Variants in ARHGAP32 observed in about 807,000 individuals in gnomAD.
The protein encoded by ARHGAP32 is Rho GTPase activating protein 32, also known as rho GTPase-activating protein 32.
Under a neutral mutation model 186.5 loss-of-function variants are expected in ARHGAP32, and 51 were observed. The ratio of observed to expected loss-of-function variants is 0.27; its 90% confidence interval spans 0.22 to 0.35. ARHGAP32 has a LOEUF of 0.35. Ranked by LOEUF, ARHGAP32 falls within the 10% of genes least tolerant of loss-of-function variation. The pLI, the probability that ARHGAP32 is intolerant of heterozygous loss-of-function variation, is 1.00. For missense variants in ARHGAP32, 2,186 were observed against 2,623.5 expected (o/e 0.83, Z 3.64); for synonymous variants, 950 against 964.3 (o/e 0.99, Z 0.27).
At chr11:129,183,162 T>C (rs906533705) in intron 1 of ARHGAP32, among the ~76,000 whole-genome samples, 1 of 152,082 alleles carries the variant, frequency 6.6e-6, no homozygotes. Context: ...TGGGTATATT[T>C]TCTAGGATTT....
chr11:129,181,155 G>C (rs1360286242), intron 1 of ARHGAP32, among the ~76,000 whole-genome samples: 1 of 152,026 alleles, frequency 6.6e-6, no homozygotes, highest in Non-Finnish European at 1.5e-5. Context: ...ATCGGTTTTT[G>C]TTTATTTCTT....
chr11:129,191,936 C>G (rs1198755674), intron 1 of ARHGAP32, 147 bp downstream of exon 1: 7 of 638,964 alleles, frequency 1.1e-5, no homozygotes, highest in Middle Eastern at 3.4e-4. Context: ...CTATATACAA[C>G]TCAAAACCTG....
Position 129,103,655 on chromosome 11 carries a change from C to T in ARHGAP32, c.445-9948G>A, listed in dbSNP as rs116890707. ...AACTTTCAATCTATAAAGAAAAAAA[C>T]ATACATGACTCATGGTGGAAAAGTA... is the stretch of plus-strand genomic sequence containing the variant. On this transcript the variant is annotated intron_variant, in intron 5 of 22. Transcript: ENST00000682385. Among the ~76,000 whole-genome samples, 294 of 151,944 alleles carry T rather than the reference C, an allele frequency of 1.9e-3. 7 individuals carry two copies. In the East Asian group the frequency reaches 0.044, roughly 23 times the overall value.
intron 1 of ARHGAP32, among the ~76,000 whole-genome samples, chr11:129,173,391 C>T (rs1374029578): frequency 1.3e-5 from 2 of 151,276 alleles, no homozygotes; most frequent in Admixed American, 1.3e-4. Flanking sequence ...ACCAGAGGTA[C>T]AAAGAGGAGC....
intron 2 of ARHGAP32, among the ~76,000 whole-genome samples, chr11:129,137,462 T>C (rs532600235): frequency 6.6e-6 from 1 of 152,094 alleles, no homozygotes; most frequent in African/African-American, 2.4e-5. Context: ...TATAAGTTGG[T>C]ACCTTAAGCA....
intron 1 of ARHGAP32, among the ~76,000 whole-genome samples, chr11:129,186,598 C>CA (rs1944166419): frequency 1.3e-5 from 2 of 151,962 alleles, no homozygotes; most frequent in African/African-American, 2.4e-5. Flanking sequence ...CAACCCACAG[C>CA]AAGGGAGAAA....
intron 1 of ARHGAP32, among the ~76,000 whole-genome samples, chr11:129,219,871 ACAC>A (rs1373163458): frequency 1.3e-5 from 2 of 152,128 alleles, no homozygotes; most frequent in African/African-American, 4.8e-5. Context: ...ACACACACAC[ACAC>A]AATGTTCATT....
In ARHGAP32 at chr11:128,967,178, A is replaced by G. The variant is rs1483484594; in HGVS notation, c.*1729T>C. 1 of 152,246 alleles carries G rather than the reference A, an allele frequency of 6.6e-6. No individual in the cohort carries two copies. Among genetic ancestry groups the G allele is most frequent in the Non-Finnish European group, 1.5e-5 (1 of 68,042 alleles). The allele number at this position is 152,246 out of a possible 1,614,324, so 9.4% of individuals were successfully genotyped here. A position where few individuals can be genotyped will look rare whatever the true frequency, so the allele number is the denominator to read the frequency against. On this transcript the variant is annotated 3_prime_UTR_variant, in exon 23 of 23. Coordinates refer to ENST00000682385, the MANE Select transcript of ARHGAP32 (RefSeq NM_001378024.1). ...AACATTTTATTTTTTTCTAAATATA[A>G]ACCCTTAAAATGCACATTATTTTTT...
chr11:129,046,102 C>T (rs1172191114), intron 10 of ARHGAP32, among the ~76,000 whole-genome samples: 6 of 152,008 alleles, frequency 3.9e-5, no homozygotes, highest in Non-Finnish European at 7.4e-5. Flanking sequence ...TGTTTTCCAG[C>T]GCCCACCGTA....
intron 5 of ARHGAP32, among the ~76,000 whole-genome samples, chr11:129,098,612 G>C (rs192294507): frequency 0.019 from 2,846 of 151,812 alleles, 88 homozygotes; most frequent in African/African-American, 0.064. Context: ...GTAGAGACGG[G>C]GTTTCACTGT....
intron 11 of ARHGAP32, among the ~76,000 whole-genome samples, chr11:129,003,767 C>CT (rs1319823112): frequency 1.5e-4 from 23 of 150,942 alleles, no homozygotes; most frequent in Admixed American, 6.6e-4. Context: ...TTTGGGTCTT[C>CT]TTTTTTTTTC....
chr11:129,176,728 T>G (rs1368105547), intron 1 of ARHGAP32, among the ~76,000 whole-genome samples: 3 of 145,950 alleles, frequency 2.1e-5, no homozygotes, highest in African/African-American at 7.6e-5. Flanking sequence ...AAGATGTTCT[T>G]TGAAACCAAC....
intron 1 of ARHGAP32, among the ~76,000 whole-genome samples, chr11:129,267,225 G>A (rs1302225418): frequency 6.6e-6 from 1 of 152,160 alleles, no homozygotes; most frequent in Non-Finnish European, 1.5e-5. Context: ...AACGGGGCAT[G>A]ATGGCACATA....
intron 6 of ARHGAP32, among the ~76,000 whole-genome samples, chr11:129,088,258 T>A (rs896934640): frequency 3.9e-5 from 6 of 152,230 alleles, no homozygotes; most frequent in Admixed American, 3.9e-4. Flanking sequence ...ACAAGAACTT[T>A]AAATGTAAAG....
chr11:129,271,285 TGAAAAAAGTGAGATGTA>T (rs1945469156), intron 1 of ARHGAP32, among the ~76,000 whole-genome samples: 1 of 151,828 alleles, frequency 6.6e-6, no homozygotes, highest in Non-Finnish European at 1.5e-5. Context: ...TTTTTGCCAG[TGAAAAAAGTGAGATGTA>T]GTCAGGTTCG....
intron 5 of ARHGAP32, among the ~76,000 whole-genome samples, chr11:129,107,759 T>C (rs1181012026): frequency 6.6e-6 from 1 of 150,934 alleles, no homozygotes; most frequent in Non-Finnish European, 1.5e-5. Flanking sequence ...TCCCAGCTAC[T>C]TGGGAGGCTG....
At chr11:129,170,797 GTGTT>G (rs1305980160) in intron 1 of ARHGAP32, among the ~76,000 whole-genome samples, 1 of 152,210 alleles carries the variant, frequency 6.6e-6, no homozygotes, top group Non-Finnish European at 1.5e-5. Flanking sequence ...CAGTGTAAAA[GTGTT>G]TGTATTTCTC....
chr11:129,001,216 T>C (rs922905311), intron 11 of ARHGAP32, among the ~76,000 whole-genome samples: 4 of 152,218 alleles, frequency 2.6e-5, no homozygotes, highest in African/African-American at 9.6e-5. Flanking sequence ...CTATTCTCTA[T>C]AGTGGCTGTA....
At chr11:129,213,242 G>T (rs1944603851) in intron 1 of ARHGAP32, among the ~76,000 whole-genome samples, 1 of 152,132 alleles carries the variant, frequency 6.6e-6, no homozygotes, top group South Asian at 2.1e-4. Context: ...AGGCTGCAAT[G>T]TTCAATGAAA....
Sources: allele counts gnomAD v4.1 joint callset (sites outside exome capture counted in the v4.1 genomes callset), GRCh38; gene constraint gnomAD v4.1.1; transcripts MANE v1.5; gene names NCBI Gene and HGNC (gene_info 2026-07-23, HGNC 2026-07-21).